The following PRSS22 variants were observed in gnomAD, a reference collection of about 807,000 sequenced individuals.
PRSS22 encodes serine protease 22, also known as brain-specific serine protease 4.
In PRSS22, 26 loss-of-function variants were observed where a neutral mutation model predicts 28.0. The observed-to-expected ratio is 0.93, with a 90% CI of 0.68 to 1.29. The LOEUF is 1.29. Among genes scored for constraint, PRSS22 ranks in the 50% most tolerant of loss-of-function variants. PRSS22 has a pLI of 0.00. For missense variants in PRSS22, 444 were observed against 422.1 expected (o/e 1.05, Z -0.46); for synonymous variants, 217 against 177.9 (o/e 1.22, Z -1.75).
chr16:2,856,752 A>C lies in PRSS22; in HGVS notation c.109+70T>G, dbSNP rs969312567. On this transcript the variant is annotated intron_variant, in intron 2 of 5. Transcript: ENST00000161006. ...TTTCTGACCTGTGCCCAGGGGACGG[A>C]CACATAGACACTGCCTGCGCGTGGG... 3 of 1,516,628 alleles carry C rather than the reference A, an allele frequency of 2.0e-6. No homozygotes were observed. The African/African-American group carries it at 4.2e-5, about 21-fold the overall frequency. 93.9% of individuals were successfully genotyped at this position (1,516,628 alleles called of 1,614,324 possible). A position where few individuals can be genotyped will look rare whatever the true frequency, so the allele number is the denominator to read the frequency against.
At position 2,856,843 on chromosome 16, in the gene PRSS22, G is replaced by A. The variant is rs1206857000; in HGVS notation, c.88C>T (p.Leu30Phe). The change falls in exon 2 of 6, where the codon CTC (leucine) becomes TTC (phenylalanine). Residue 30 changes from leucine to phenylalanine, a missense_variant. Transcript: ENST00000161006. ...TCACCAGGTATCCTGGCCGCATTGA[G>A]GATGGCTGAGGGCAAGAGAAGGAAA... ...SLLLLASTAI[L>F]NAARIPVPPA... The A allele has an allele frequency of 4.5e-6, 7 of 1,551,694 alleles. No individual in the cohort carries two copies. Among genetic ancestry groups the A allele is most frequent in the South Asian group, 2.4e-5 (2 of 84,068 alleles).
rs1645193749 is a variant in PRSS22 at position 2,852,731 on chromosome 16, G to A, written c.*362C>T. ...CCAGGCATGGGAAAAAACAGACACT[G>A]GAGAATAAATAATTTATTGAAATTG... is the stretch of plus-strand genomic sequence containing the variant. On this transcript the variant is annotated 3_prime_UTR_variant, in exon 6 of 6. Transcript: ENST00000161006. The A allele has an allele frequency of 4.2e-6, 1 of 237,256 alleles. No homozygotes were observed. Among genetic ancestry groups the A allele is most frequent in the African/African-American group, 2.3e-5 (1 of 43,416 alleles). The allele number at this position is 237,256 out of a possible 1,614,324, so 14.7% of individuals were successfully genotyped here.
In PRSS22 at chr16:2,853,120, C is replaced by T. The variant is rs746359517; in HGVS notation, c.927G>A (p.Gln309=). The T allele has an allele frequency of 1.3e-5, 20 of 1,595,338 alleles. 1 individual carries two copies. In the African/African-American group the frequency reaches 2.0e-4, roughly 16 times the overall value. The part of the protein sequence containing the change: ...QGGGALRAPS[Q]GSGAAARS Reference sequence around the variant, plus strand: ...AGGAGCGCGCGGCGGCCCCAGAGCCCTGGCTCGGTGCCCTGAGGGCCCCAC... The same window carrying T: ...AGGAGCGCGCGGCGGCCCCAGAGCCTTGGCTCGGTGCCCTGAGGGCCCCAC... The change falls in exon 6 of 6, where the codon CAG becomes CAA. Residue 309 remains glutamine, a synonymous_variant. Coordinates refer to ENST00000161006, the MANE Select transcript of PRSS22 (RefSeq NM_022119.4). This position sits in a 1 kb window ranked among gnomAD's most constrained non-coding sequence, Gnocchi z 4.6.
rs267604492 is a variant in PRSS22 at position 2,854,018 on chromosome 16, G to A, written c.564C>T (p.Pro188=). 6.2e-7 allele frequency: 1 copy of A among 1,614,158 alleles called. No homozygotes were observed. Among genetic ancestry groups the A allele is most frequent in the East Asian group, 2.2e-5 (1 of 44,886 alleles). ...SGWGSIQDGV[P]LPHPQTLQKL... ...TCTGCAGGGTCTGAGGGTGGGGCAA[G>A]GGAACTGGGAGGAAAGAGGACAGAA... Residue 188 remains proline (P), a synonymous_variant, in exon 5 of 6, where the codon CCC becomes CCT. Transcript: ENST00000161006.
chr16:2,856,878 C>T (rs374648893), intron 1 of PRSS22, 30 bp from the exon 2 acceptor site: 55 of 1,551,516 alleles, frequency 3.5e-5, no homozygotes, highest in Middle Eastern at 3.4e-4. Context: ...ACGGTTAGGC[C>T]GGTGAGGGGC....
chr16:2,853,282 C>A lies in PRSS22; in HGVS notation c.765G>T (p.Leu255=). Residue 255 remains leucine, a synonymous_variant, in exon 6 of 6, where the codon CTG becomes CTT. Transcript: ENST00000161006. The surrounding 1 kb of genome is among the most constrained non-coding windows in gnomAD (Gnocchi z 4.6). ...CGCCCCAGCTGATGATGCCGGCCAG[C>A]AGCCAGGCGCCGTCCACCTGGCACA... ...PLMCQVDGAW[L]LAGIISWGEG... 6.3e-7 allele frequency: 1 copy of A among 1,599,800 alleles called. No homozygotes were observed. Among genetic ancestry groups the A allele is most frequent in the Non-Finnish European group, 8.5e-7 (1 of 1,179,520 alleles).
chr16:2,855,516 G>C, intron 4 of PRSS22, 58 bp downstream of exon 4: 13 of 1,586,908 alleles, frequency 8.2e-6, no homozygotes, highest in Non-Finnish European at 1.1e-5. Flanking sequence ...GTCCCTGAGT[G>C]TCTGCCATCC....
Position 2,855,705 on chromosome 16 carries a change from G to A in PRSS22, c.428C>T (p.Ala143Val). 6.2e-7 allele frequency: 1 copy of A among 1,614,222 alleles called. No homozygotes were observed. The highest frequency in any genetic ancestry group is 8.5e-7 in the Non-Finnish European group (1 of 1,180,050). Residue 143 changes from alanine (A) to valine (V), a missense_variant, in exon 4 of 6, where the codon GCC (alanine) becomes GTC (valine). Transcript: ENST00000161006. ...TATGGAGCGCTCGAGACGCACCAGG[G>A]CAATGTCTGCACAGGCACCTTCCTT... is the stretch of plus-strand genomic sequence containing the variant. ...SWKEGACADIALVRLERSIQF... is the reference protein window; with the variant it reads ...SWKEGACADIVLVRLERSIQF...
intron 2 of PRSS22, 126 bp downstream of exon 2, chr16:2,856,694 CCT>C: frequency 6.4e-6 from 7 of 1,092,162 alleles, no homozygotes; most frequent in Non-Finnish European, 9.5e-6. Context: ...CCTCCCTTCC[CCT>C]CTAGCTCTTT....
In PRSS22 at chr16:2,853,757, C is replaced by T. The variant is rs2069428503; in HGVS notation, c.717+108G>A. 3 of 1,294,078 alleles carry T rather than the reference C, an allele frequency of 2.3e-6. No homozygotes were observed. In the South Asian group the frequency reaches 4.1e-5, roughly 18 times the overall value. 80.2% of individuals were successfully genotyped at this position (1,294,078 alleles called of 1,614,324 possible). ...CCGGGACTGTCAGGCACAGCCAGTTCTGGGGAGGAGGCCAGGGAGAGGTTG... is the reference window on the plus strand; with the variant it reads ...CCGGGACTGTCAGGCACAGCCAGTTTTGGGGAGGAGGCCAGGGAGAGGTTG... On this transcript the variant is annotated intron_variant, in intron 5 of 5. Transcript: ENST00000161006. The surrounding 1 kb of genome is among the most constrained non-coding windows in gnomAD (Gnocchi z 4.6).
intron 4 of PRSS22, among the ~76,000 whole-genome samples, chr16:2,854,803 A>G (rs2069439518): frequency 1.3e-5 from 2 of 152,030 alleles, no homozygotes; most frequent in South Asian, 4.1e-4. Flanking sequence ...ATGTTTTCCA[A>G]ACCTCCAGTG....
chr16:2,857,909 C>G (rs1393595612), intron 1 of PRSS22, 114 bp downstream of exon 1: 1 of 724,066 alleles, frequency 1.4e-6, no homozygotes, highest in Non-Finnish European at 1.9e-6. Flanking sequence ...ATAAACAGAG[C>G]AGAAGCGGAA....
intron 3 of PRSS22, 38 bp downstream of exon 3, chr16:2,856,044 C>A (rs1055969936): frequency 3.2e-5 from 51 of 1,605,676 alleles, no homozygotes; most frequent in Non-Finnish European, 4.3e-5. Flanking sequence ...AAGCCCAGGG[C>A]CTTAGAAGAT....
At position 2,853,976 on chromosome 16, in the gene PRSS22, G is replaced by T. The variant is rs144052257; in HGVS notation, c.606C>A (p.Ile202=). ...PQTLQKLKVP[I]IDSEVCSHLY... ...GATGGCTGCAGACTTCCGAGTCGAT[G>T]ATAGGAACCTTCAGCTTCTGCAGGG... is the stretch of plus-strand genomic sequence containing the variant. Residue 202 remains isoleucine (I), a synonymous_variant, in exon 5 of 6, where the codon ATC becomes ATA. Coordinates refer to ENST00000161006, the MANE Select transcript of PRSS22 (RefSeq NM_022119.4). This position sits in a 1 kb window ranked among gnomAD's most constrained non-coding sequence, Gnocchi z 4.6. The T allele has an allele frequency of 2.7e-4, 437 of 1,614,232 alleles. No homozygotes were observed. Among genetic ancestry groups the T allele is most frequent in the Non-Finnish European group, 3.5e-4 (409 of 1,180,032 alleles).
chr16:2,853,226 A>G lies in PRSS22; in HGVS notation c.821T>C (p.Val274Ala). ...EGCAERNRPGVYISLSAHRSW... is the reference protein window; with the variant it reads ...EGCAERNRPGAYISLSAHRSW... ...GCGGTGCGCAGAGAGGCTGATGTAG[A>G]CCCCGGGCCTGTTGCGCTCGGCACA... The change falls in exon 6 of 6, where the codon GTC (valine) becomes GCC (alanine). Residue 274 changes from valine to alanine, a missense_variant. Transcript: ENST00000161006. This position sits in a 1 kb window ranked among gnomAD's most constrained non-coding sequence, Gnocchi z 4.6. 1 of 1,600,468 alleles carries G rather than the reference A, an allele frequency of 6.2e-7. No homozygotes were observed. The highest frequency in any genetic ancestry group is 8.5e-7 in the Non-Finnish European group (1 of 1,179,672).
At chr16:2,856,951 G>C in intron 1 of PRSS22, 103 bp from the exon 2 acceptor site, 1 of 1,353,272 alleles carries the variant, frequency 7.4e-7, no homozygotes, top group Non-Finnish European at 1.0e-6. Context: ...CACCCAGTAA[G>C]AAGGGATCCC....
chr16:2,852,828 G>C lies in PRSS22; in HGVS notation c.*265C>G. 1 of 390,228 alleles carries C rather than the reference G, an allele frequency of 2.6e-6. No individual in the cohort carries two copies. The highest frequency in any genetic ancestry group is 4.2e-6 in the Non-Finnish European group (1 of 239,094). The allele number at this position is 390,228 out of a possible 1,614,324, so 24.2% of individuals were successfully genotyped here. A position where few individuals can be genotyped will look rare whatever the true frequency, so the allele number is the denominator to read the frequency against. On this transcript the variant is annotated 3_prime_UTR_variant, in exon 6 of 6. Transcript: ENST00000161006. ...ATCATTAACATTTATATACACAAAAGCGCTGGGGCCCGGGGCGGGGCCGGA... is the reference window on the plus strand; with the variant it reads ...ATCATTAACATTTATATACACAAAACCGCTGGGGCCCGGGGCGGGGCCGGA...
At chr16:2,854,125 C>T in intron 4 of PRSS22, 103 bp from the exon 5 acceptor site, 1 of 1,322,976 alleles carries the variant, frequency 7.6e-7, no homozygotes, top group Non-Finnish European at 1.1e-6. Context: ...CAGCGGTTCT[C>T]AAAGGCTAAC....
At position 2,853,154 on chromosome 16, in the gene PRSS22, G is replaced by A; in HGVS notation, c.893C>T (p.Ala298Val). The A allele has an allele frequency of 1.3e-6, 2 of 1,598,510 alleles. No individual in the cohort carries two copies. The highest frequency in any genetic ancestry group is 1.1e-5 in the South Asian group (1 of 91,022). The change falls in exon 6 of 6, where the codon GCT becomes GTT. Residue 298 changes from alanine to valine, a missense_variant. By Grantham distance (64) the Ala-to-Val change is moderately conservative. Transcript: ENST00000161006. The surrounding 1 kb of genome is among the most constrained non-coding windows in gnomAD (Gnocchi z 4.6). ...IVQGVQLRGR[A>V]QGGGALRAPS... ...TGCCCTGAGGGCCCCACCCCCCTGA[G>A]CGCGCCCGCGGAGCTGCACCCCTTG...
Sources: gnomAD v4.1 joint callset for allele counts (sites outside exome capture counted in the v4.1 genomes callset) on GRCh38, gnomAD v4.1.1 for gene constraint, Gnocchi (gnomAD v3.1) non-coding constraint, MANE v1.5 for transcripts, NCBI Gene and HGNC (gene_info 2026-07-23, HGNC 2026-07-21) for gene names.